ARHGEF17: variants seen among roughly 807,000 people sequenced by gnomAD.
ARHGEF17 encodes the protein Rho guanine nucleotide exchange factor 17, also known as 164 kDa Rho-specific guanine-nucleotide exchange factor.
A neutral mutation model predicts 174.0 loss-of-function variants in ARHGEF17; 80 were observed. The ratio of observed to expected loss-of-function variants is 0.46; its 90% CI spans 0.38 to 0.55. The LOEUF is 0.55. Among genes scored for constraint, ARHGEF17 ranks in the 20% least tolerant of loss-of-function variants. The pLI, the probability that ARHGEF17 is intolerant of heterozygous loss-of-function variation, is 0.00. For missense variants in ARHGEF17, 2,886 were observed against 2,839.7 expected (o/e 1.02, Z -0.37); for synonymous variants, 1,311 against 1,189.1 (o/e 1.10, Z -2.11).
chr11:73,345,876 G>A (rs1052158872), intron 1 of ARHGEF17, among the ~76,000 whole-genome samples: 2 of 152,160 alleles, frequency 1.3e-5, no homozygotes, highest in African/African-American at 4.8e-5. Context: ...TGGAGTCTAG[G>A]GGTCTAGGGC....
rs926281696 is a variant in ARHGEF17, at chr11:73,308,754, G to A, written c.116G>A (p.Arg39Lys). Residue 39 changes from arginine (R) to lysine (K), a missense_variant, in exon 1 of 21, where the codon AGG (arginine) becomes AAG (lysine). Around this residue, in one of 4 missense-constraint regions of ARHGEF17, gnomAD observed 1,728 missense variants for 1,461.2 expected, o/e 1.18. Transcript: ENST00000263674. ...REEDTDTPGL[R>K]RRASCRPTTA... ...GAGGACACGGACACCCCCGGCTTGA[G>A]GCGACGCGCCTCGTGCCGGCCGACC... 20 of 1,474,122 alleles carry A rather than the reference G, an allele frequency of 1.4e-5. No homozygotes were observed. In the African/African-American group the frequency reaches 2.7e-4, roughly 20 times the overall value. 91.3% of individuals were successfully genotyped at this position (1,474,122 alleles called of 1,614,324 possible). A position where few individuals can be genotyped will look rare whatever the true frequency, so the allele number is the denominator to read the frequency against.
intron 1 of ARHGEF17, among the ~76,000 whole-genome samples, chr11:73,315,017 C>T (rs113345156): frequency 1.8e-3 from 277 of 152,346 alleles, no homozygotes; most frequent in African/African-American, 6.3e-3. Flanking sequence ...TTATCAAGTG[C>T]TTGCTATGTG....
chr11:73,363,081 C>G lies in ARHGEF17; in HGVS notation c.4997-125C>G. On this transcript the variant is annotated intron_variant, in intron 14 of 20. Coordinates refer to ENST00000263674, the MANE Select transcript of ARHGEF17 (RefSeq NM_014786.4). ...AGCAGGGCAGCAGACCGGAGCAGGCCGGGGAAGAACAGCTTTGAGAGGCCT... is the reference window on the plus strand; with the variant it reads ...AGCAGGGCAGCAGACCGGAGCAGGCGGGGGAAGAACAGCTTTGAGAGGCCT... The G allele has an allele frequency of 6.8e-6, 9 of 1,315,472 alleles. No individual in the cohort carries two copies. In the South Asian group the frequency reaches 1.4e-4, roughly 21 times the overall value. 81.5% of individuals were successfully genotyped at this position (1,315,472 alleles called of 1,614,324 possible).
intron 2 of ARHGEF17, among the ~76,000 whole-genome samples, chr11:73,349,339 G>A (rs931252491): frequency 2.7e-4 from 41 of 152,184 alleles, no homozygotes; most frequent in Non-Finnish European, 5.4e-4. Flanking sequence ...GGTGAGCCAG[G>A]CGCGGAGGCT....
chr11:73,344,277 C>T (rs568700474), intron 1 of ARHGEF17, among the ~76,000 whole-genome samples: 1 of 152,378 alleles, frequency 6.6e-6, no homozygotes, highest in Admixed American at 6.5e-5. Context: ...ACACTACACC[C>T]GTGGTGGGCA....
intron 1 of ARHGEF17, among the ~76,000 whole-genome samples, chr11:73,335,914 A>G (rs1002400293): frequency 2.6e-5 from 4 of 152,246 alleles, no homozygotes; most frequent in African/African-American, 7.2e-5. Context: ...AAGACAGTCA[A>G]TAGATAAGTA....
chr11:73,314,508 G>A (rs1864896851), intron 1 of ARHGEF17, among the ~76,000 whole-genome samples: 1 of 152,220 alleles, frequency 6.6e-6, no homozygotes, highest in African/African-American at 2.4e-5. Flanking sequence ...ACAGTGGGAG[G>A]TTAGACTGCC....
chr11:73,359,734 C>A, intron 9 of ARHGEF17, 100 bp from the exon 10 acceptor site: 1 of 1,055,032 alleles, frequency 9.5e-7, no homozygotes, highest in Non-Finnish European at 1.3e-6. Flanking sequence ...AGGTCTCTCC[C>A]CGGCCCAGCT....
chr11:73,317,863 G>C, intron 1 of ARHGEF17, among the ~76,000 whole-genome samples: 1 of 152,194 alleles, frequency 6.6e-6, no homozygotes, highest in East Asian at 1.9e-4. Context: ...CACAGTGCCT[G>C]AGCCCCTGGA....
rs1020379409 is a variant in ARHGEF17, at chr11:73,363,925, C to T, written c.5333+92C>T. On this transcript the variant is annotated intron_variant, in intron 16 of 20. Transcript: ENST00000263674. ...TCATCTGGTCCCCCTGCTCTACTGTCCCTCCTCTGTGTGGAGGCTGGAAGC... is the reference window on the plus strand; with the variant it reads ...TCATCTGGTCCCCCTGCTCTACTGTTCCTCCTCTGTGTGGAGGCTGGAAGC... The T allele has an allele frequency of 6.5e-6, 9 of 1,374,178 alleles. No individual in the cohort carries two copies. In the African/African-American group the frequency reaches 7.2e-5, roughly 11 times the overall value. 85.1% of individuals were successfully genotyped at this position (1,374,178 alleles called of 1,614,324 possible). A position where few individuals can be genotyped will look rare whatever the true frequency, so the allele number is the denominator to read the frequency against.
At chr11:73,314,405 G>A (rs372673303) in intron 1 of ARHGEF17, among the ~76,000 whole-genome samples, 7 of 152,148 alleles carry the variant, frequency 4.6e-5, no homozygotes, top group Admixed American at 2.6e-4. Context: ...CCCCATTGCC[G>A]GGAAGTGGGA....
chr11:73,336,870 T>G (rs1240276593), intron 1 of ARHGEF17, among the ~76,000 whole-genome samples: 1 of 152,250 alleles, frequency 6.6e-6, no homozygotes, highest in Non-Finnish European at 1.5e-5. Context: ...GGACCTCATC[T>G]GGCCTGTCAG....
At chr11:73,326,455 C>T (rs1274817484) in intron 1 of ARHGEF17, among the ~76,000 whole-genome samples, 2 of 152,148 alleles carry the variant, frequency 1.3e-5, no homozygotes, top group African/African-American at 4.8e-5. Flanking sequence ...GCTGTAATCC[C>T]AGCACTTTGG....
At chr11:73,318,068 T>C (rs1290813631) in intron 1 of ARHGEF17, among the ~76,000 whole-genome samples, 1 of 152,098 alleles carries the variant, frequency 6.6e-6, no homozygotes, top group African/African-American at 2.4e-5. Flanking sequence ...CCCAGGGCTG[T>C]TGGGAAAGGA....
At chr11:73,317,122 C>G (rs1345431630) in intron 1 of ARHGEF17, among the ~76,000 whole-genome samples, 1 of 152,106 alleles carries the variant, frequency 6.6e-6, no homozygotes, top group African/African-American at 2.4e-5. Context: ...GCTACACTGG[C>G]CACCCCCTGC....
At chr11:73,354,633 G>C (rs917244692) in intron 3 of ARHGEF17, among the ~76,000 whole-genome samples, 1 of 151,608 alleles carries the variant, frequency 6.6e-6, no homozygotes, top group African/African-American at 2.4e-5. Context: ...AGAATCGCCC[G>C]AACCTGGGTG....
rs1306776725 is a variant in ARHGEF17 at position 73,309,414 on chromosome 11, C to G, written c.776C>G (p.Pro259Arg). ...SSSEEEEEGP[P>R]QLPGAQSPAY... ...AGCGAGGAGGAAGAGGAGGGCCCGCCGCAGCTGCCTGGAGCCCAGAGTCCG... is the reference window on the plus strand; with the variant it reads ...AGCGAGGAGGAAGAGGAGGGCCCGCGGCAGCTGCCTGGAGCCCAGAGTCCG... Residue 259 changes from proline to arginine, a missense_variant, in exon 1 of 21, where the codon CCG becomes CGG. Coordinates refer to ENST00000263674, the MANE Select transcript of ARHGEF17 (RefSeq NM_014786.4). 1 of 1,553,372 alleles carries G rather than the reference C, an allele frequency of 6.4e-7. No individual in the cohort carries two copies. The highest frequency in any genetic ancestry group is 1.4e-5 in the African/African-American group (1 of 72,900).
intron 15 of ARHGEF17, 32 bp from the exon 16 acceptor site, chr11:73,363,715 C>T: frequency 6.2e-7 from 1 of 1,611,354 alleles, no homozygotes; most frequent in Non-Finnish European, 8.5e-7. Context: ...GTGCCCCAAG[C>T]ATTTGTCCCA....
At chr11:73,356,869 G>T in intron 7 of ARHGEF17, 110 bp downstream of exon 7, 1 of 1,547,120 alleles carries the variant, frequency 6.5e-7, no homozygotes. Context: ...CCCGAGGGGA[G>T]CCCTGGTCGA....
Sources: allele counts gnomAD v4.1 joint callset (sites outside exome capture counted in the v4.1 genomes callset), GRCh38; gene constraint gnomAD v4.1.1; regional missense constraint gnomAD v4.1.1; transcripts MANE v1.5; gene names NCBI Gene and HGNC (gene_info 2026-07-23, HGNC 2026-07-21).